The following SPRY3 variants were observed in gnomAD, a reference collection of about 807,000 sequenced individuals.
SPRY3 encodes the protein protein sprouty homolog 3.
Under a neutral mutation model 20.2 loss-of-function variants are expected in SPRY3, and 15 were observed. The observed-to-expected ratio is 0.74, with a 90% CI of 0.50 to 1.14. The LOEUF is 1.14. Ranked by LOEUF, SPRY3 falls within the 50% of genes most tolerant of loss-of-function variation. SPRY3 has a pLI of 0.00. For synonymous variants in SPRY3, 143 were observed against 136.5 expected (o/e 1.05, Z -0.33); for missense variants, 364 against 363.9 (o/e 1.00, Z 0.00).
At chrX:155,679,569 T>C (rs1442498612) in intron 2 of SPRY3, among the ~76,000 whole-genome samples, 1 of 111,914 alleles carries the variant, frequency 8.9e-6, no homozygotes, top group African/African-American at 3.2e-5. Flanking sequence ...GTCTCACCTC[T>C]TAATACTATC....
At chrX:155,677,244 C>T (rs488777) in intron 2 of SPRY3, among the ~76,000 whole-genome samples, 37,957 of 110,277 alleles carry the variant, frequency 0.34, 5,742 homozygotes, top group African/African-American at 0.58. Context: ...TACTTGGAGA[C>T]ATAGACTTAT....
At chrX:155,621,262 T>G (rs1200439541) in intron 1 of SPRY3, among the ~76,000 whole-genome samples, 3 of 112,250 alleles carry the variant, frequency 2.7e-5, no homozygotes, top group African/African-American at 9.7e-5. Context: ...ATGCACGTCT[T>G]GTACTATAAA....
In SPRY3 at chrX:155,670,894, A is replaced by G. The variant is rs782801700; in HGVS notation, c.-282+13869A>G. Among the ~76,000 whole-genome samples, 5 of 112,138 alleles carry G rather than the reference A, an allele frequency of 4.5e-5. No individual in the cohort carries two copies. In the South Asian group the frequency reaches 1.8e-3, roughly 41 times the overall value. On this transcript the variant is annotated intron_variant, in intron 2 of 3. Transcript: ENST00000675360. ...TAGTGGCCTTTAAAAACCCTCTAGG[A>G]GCCAAATACACTGATCATCCTAAAC...
intron 1 of SPRY3, among the ~76,000 whole-genome samples, chrX:155,653,507 C>T (rs1416927957): frequency 1.8e-5 from 2 of 111,834 alleles, no homozygotes; most frequent in African/African-American, 6.5e-5. Context: ...ACTGTTCTTT[C>T]CCCATTGTAT....
intron 2 of SPRY3, among the ~76,000 whole-genome samples, chrX:155,660,105 G>A (rs1249257410): frequency 9.0e-6 from 1 of 111,286 alleles, no homozygotes; most frequent in Admixed American, 9.6e-5. Context: ...GTTTCTTGAG[G>A]TGTGACATTA....
intron 2 of SPRY3, among the ~76,000 whole-genome samples, chrX:155,757,415 CAT>C (rs1216531614): frequency 6.6e-6 from 1 of 152,126 alleles, no homozygotes; most frequent in East Asian, 1.9e-4. Context: ...CCATAACCAT[CAT>C]ATATAAAATA....
chrX:155,774,861 C>T lies in SPRY3; in HGVS notation c.*123C>T, dbSNP rs1314754612. 3.4e-6 allele frequency: 4 copies of T among 1,165,768 alleles called. No homozygotes were observed. In the African/African-American group the frequency reaches 4.6e-5, roughly 13 times the overall value. 72.2% of individuals were successfully genotyped at this position (1,165,768 alleles called of 1,614,324 possible). A position where few individuals can be genotyped will look rare whatever the true frequency, so the allele number is the denominator to read the frequency against. The stretch of plus-strand genomic sequence containing the variant: ...CAAAGTTAGGGCCTCTCTTTTGTTC[C>T]TGCAGTGTCAGGGGAATGACCAAGT... On this transcript the variant is annotated 3_prime_UTR_variant, in exon 4 of 4. Coordinates refer to ENST00000675360, the Ensembl canonical transcript of SPRY3.
In SPRY3 at chrX:155,717,108, G is replaced by A. The variant is rs183418891; in HGVS notation, c.-281-50854G>A. ...CGGGAAGCAGAGGTTGCAGTGAGCCGAGATCACACCACTGCACTCCAGCCT... is the reference window on the plus strand; with the variant it reads ...CGGGAAGCAGAGGTTGCAGTGAGCCAAGATCACACCACTGCACTCCAGCCT... On this transcript the variant is annotated intron_variant, in intron 2 of 3. Coordinates refer to ENST00000675360, the Ensembl canonical transcript of SPRY3. Among the ~76,000 whole-genome samples the A allele has an allele frequency of 3.8e-4, 54 of 142,986 alleles. 1 individual carries two copies. In the East Asian group the frequency reaches 0.011, roughly 29 times the overall value. 93.8% of individuals were successfully genotyped at this position (142,986 alleles called of 152,430 possible). A position where few individuals can be genotyped will look rare whatever the true frequency, so the allele number is the denominator to read the frequency against.
At chrX:155,694,103 C>A (rs1336267003) in intron 2 of SPRY3, among the ~76,000 whole-genome samples, 1 of 112,719 alleles carries the variant, frequency 8.9e-6, no homozygotes, top group Non-Finnish European at 1.9e-5. Flanking sequence ...CCATGCTTGG[C>A]CATAGACCAT....
In SPRY3 at chrX:155,774,573, C is replaced by A; in HGVS notation, c.702C>A (p.Cys234Ter). The A allele has an allele frequency of 6.2e-7, 1 of 1,614,004 alleles. No individual in the cohort carries two copies. The highest frequency in any genetic ancestry group is 8.5e-7 in the Non-Finnish European group (1 of 1,179,874). ...GCCTCATCTCCCTCTTCCTACCCTG[C>A]CTGTGCTGCTACCTGCCTACCCGTG... is the stretch of plus-strand genomic sequence containing the variant. Residue 234 changes from cysteine to a stop codon, truncating the protein, a stop_gained, in exon 4 of 4, where the codon TGC becomes TGA. Transcript: ENST00000675360. LOFTEE classifies it high-confidence loss of function.
intron 2 of SPRY3, among the ~76,000 whole-genome samples, chrX:155,657,792 G>A (rs187249324): frequency 1.8e-5 from 2 of 112,198 alleles, no homozygotes; most frequent in African/African-American, 6.5e-5. Flanking sequence ...TGCAAAAACC[G>A]TGGGAAAAGC....
chrX:155,613,810 T>C (rs2067840344), intron 1 of SPRY3, among the ~76,000 whole-genome samples: 1 of 111,086 alleles, frequency 9.0e-6, no homozygotes, highest in East Asian at 2.8e-4. Flanking sequence ...ATATTTTTTT[T>C]CCCTAGGTCC....
intron 2 of SPRY3, among the ~76,000 whole-genome samples, chrX:155,704,681 C>A (rs2090937075): frequency 6.6e-6 from 1 of 151,320 alleles, no homozygotes; most frequent in Non-Finnish European, 1.5e-5. Context: ...CAGAGTGCAC[C>A]AAACATGACT....
intron 2 of SPRY3, among the ~76,000 whole-genome samples, chrX:155,704,676 T>G (rs1430013541): frequency 6.6e-6 from 1 of 151,476 alleles, no homozygotes; most frequent in African/African-American, 2.4e-5. Flanking sequence ...AAGCTCAGAG[T>G]GCACCAAACA....
Position 155,717,455 on chromosome X carries a change from G to A in SPRY3, c.-281-50507G>A, listed in dbSNP as rs1400841451. Reference sequence around the variant, plus strand: ...GCAGAACATGCAGGTTTGTTACATAGGTATACACATGCCATGGTGGTTTGC... The same window carrying A: ...GCAGAACATGCAGGTTTGTTACATAAGTATACACATGCCATGGTGGTTTGC... On this transcript the variant is annotated intron_variant, in intron 2 of 3. Transcript: ENST00000675360. Among the ~76,000 whole-genome samples, 3 of 152,100 alleles carry A rather than the reference G, an allele frequency of 2.0e-5. No homozygotes were observed. The East Asian group carries it at 5.8e-4, about 29-fold the overall frequency.
intron 1 of SPRY3, among the ~76,000 whole-genome samples, chrX:155,635,713 A>G (rs2067921205): frequency 8.9e-6 from 1 of 112,161 alleles, no homozygotes; most frequent in African/African-American, 3.2e-5. Context: ...TCAGGAAACA[A>G]CAGATGCTGG....
chrX:155,739,750 GAAAC>G (rs1019996217), intron 2 of SPRY3, among the ~76,000 whole-genome samples: 8 of 152,080 alleles, frequency 5.3e-5, no homozygotes, highest in African/African-American at 1.9e-4. Flanking sequence ...TGTTAAAAGA[GAAAC>G]AAACAAACAG....
intron 1 of SPRY3, among the ~76,000 whole-genome samples, chrX:155,655,289 A>T (rs2067988755): frequency 9.0e-6 from 1 of 111,087 alleles, no homozygotes; most frequent in Admixed American, 9.6e-5. Context: ...CATAGTTTGA[A>T]AATATTTTCT....
At chrX:155,735,289 T>A (rs1441164762) in intron 2 of SPRY3, among the ~76,000 whole-genome samples, 2 of 152,054 alleles carry the variant, frequency 1.3e-5, no homozygotes, top group Non-Finnish European at 2.9e-5. Flanking sequence ...TCTTGATAAA[T>A]GTTCCACATT....
Sources: allele counts gnomAD v4.1 joint callset (sites outside exome capture counted in the v4.1 genomes callset), GRCh38; gene constraint gnomAD v4.1.1; transcripts MANE v1.5; gene names NCBI Gene and HGNC (gene_info 2026-07-23, HGNC 2026-07-21).